OPRK1: variants seen among roughly 807,000 people sequenced by gnomAD.
The protein encoded by OPRK1 is kappa-type opioid receptor.
In OPRK1, 15 loss-of-function variants were observed where a neutral mutation model predicts 24.5. That is an observed-to-expected ratio of 0.61 (90% CI 0.41 to 0.94). The LOEUF (loss-of-function observed/expected upper bound fraction) is 0.94. Among genes scored for constraint, OPRK1 ranks in the 40% least tolerant of loss-of-function variants. OPRK1 has a pLI of 0.00. For missense variants in OPRK1, 479 were observed against 507.3 expected, an observed-to-expected ratio of 0.94 and a Z score of 0.54; for synonymous variants, 205 against 198.0, an observed-to-expected ratio of 1.04 and a Z score of -0.30.
intron 3 of OPRK1, among the ~76,000 whole-genome samples, chr8:53,231,244 T>C (rs1806846925): frequency 6.6e-6 from 1 of 152,178 alleles, no homozygotes; most frequent in Admixed American, 6.6e-5. Flanking sequence ...TCATTACTAT[T>C]ATAATAGAAT....
intron 2 of OPRK1, among the ~76,000 whole-genome samples, chr8:53,235,482 A>G (rs1448363406): frequency 6.6e-6 from 1 of 152,218 alleles, no homozygotes; most frequent in East Asian, 1.9e-4. Flanking sequence ...TTCAAACACT[A>G]TATTCATTCT....
chr8:53,230,051 G>T (rs1300348096), intron 3 of OPRK1, among the ~76,000 whole-genome samples: 1 of 151,304 alleles, frequency 6.6e-6, no homozygotes, highest in Non-Finnish European at 1.5e-5. Flanking sequence ...ACTGTTTACT[G>T]GTAACATACA....
intron 2 of OPRK1, among the ~76,000 whole-genome samples, chr8:53,249,173 T>TAAC (rs140795595): frequency 0.099 from 15,140 of 152,184 alleles, 821 homozygotes; most frequent in South Asian, 0.18. Context: ...CTCATTCAAA[T>TAAC]AACAATATGT....
At position 53,226,747 on chromosome 8, in the gene OPRK1, C is replaced by G. The variant is rs202148885; in HGVS notation, c.*2550G>C. On this transcript the variant is annotated 3_prime_UTR_variant, in exon 4 of 4. Transcript: ENST00000265572. The stretch of plus-strand genomic sequence containing the variant: ...TGCTACGTTGTTTACTTTATCATTC[C>G]TTTAAAGCAGTACCCTAAAATGATA... 1.3e-5 allele frequency: 2 copies of G among 152,218 alleles called. No individual in the cohort carries two copies. The highest frequency in any genetic ancestry group is 2.9e-5 in the Non-Finnish European group (2 of 68,036). 9.4% of individuals were successfully genotyped at this position (152,218 alleles called of 1,614,324 possible).
At chr8:53,242,351 A>G (rs58116230) in intron 2 of OPRK1, among the ~76,000 whole-genome samples, 19,478 of 152,186 alleles carry the variant, frequency 0.13, 1,498 homozygotes, top group African/African-American at 0.21. Flanking sequence ...TGGGCAGTTC[A>G]TTAAACCTCT....
intron 2 of OPRK1, among the ~76,000 whole-genome samples, chr8:53,243,624 G>C (rs1274888908): frequency 6.6e-6 from 1 of 152,152 alleles, no homozygotes. Context: ...TCCCTCAGGG[G>C]AGAAAATAAT....
At chr8:53,250,676 T>C in intron 2 of OPRK1, 105 bp downstream of exon 2, 1 of 1,185,188 alleles carries the variant, frequency 8.4e-7, no homozygotes, top group Non-Finnish European at 1.2e-6. Flanking sequence ...CGGAACAGAG[T>C]CCCCACCACC....
Position 53,250,974 on chromosome 8 carries a change from G to A in OPRK1, c.64C>T (p.Leu22=), listed in dbSNP as rs1413450390. ...PGPTCAPSAC[L]PPNSSAWFPG... is the part of the protein sequence containing the mutation. ...AACCAGGCGCTGCTGTTGGGGGGCAGGCAGGCGCTCGGGGCGCAGGTAGGG... is the reference window on the plus strand; with the variant it reads ...AACCAGGCGCTGCTGTTGGGGGGCAAGCAGGCGCTCGGGGCGCAGGTAGGG... The change falls in exon 2 of 4, where the codon CTG becomes TTG. Residue 22 remains leucine (L), a synonymous_variant. Transcript: ENST00000265572. 1 of 1,603,756 alleles carries A rather than the reference G, an allele frequency of 6.2e-7. No homozygotes were observed. The highest frequency in any genetic ancestry group is 8.5e-7 in the Non-Finnish European group (1 of 1,175,422).
At chr8:53,234,021 C>A (rs1301743595) in intron 3 of OPRK1, among the ~76,000 whole-genome samples, 4 of 151,954 alleles carry the variant, frequency 2.6e-5, no homozygotes, top group Admixed American at 6.5e-5. Flanking sequence ...CACGGTGAAA[C>A]CCTGTCTCTA....
At chr8:53,248,263 TAA>T (rs148202791) in intron 2 of OPRK1, among the ~76,000 whole-genome samples, 7,701 of 152,208 alleles carry the variant, frequency 0.051, 285 homozygotes, top group East Asian at 0.17. Flanking sequence ...AAGGCAGGCC[TAA>T]AAGTAGGCAT....
At position 53,228,626 on chromosome 8, in the gene OPRK1, A is replaced by T. The variant is rs539799810; in HGVS notation, c.*671T>A. The T allele has an allele frequency of 6.6e-6, 1 of 152,360 alleles. No homozygotes were observed. Among genetic ancestry groups the T allele is most frequent in the East Asian group, 1.9e-4 (1 of 5,194 alleles). The allele number at this position is 152,360 out of a possible 1,614,324, so 9.4% of individuals were successfully genotyped here. ...GTTTACCTGAATAGCATGCTAAGAA[A>T]AAAAACTGTAGTTTTTGGGAAATTA... is the stretch of plus-strand genomic sequence containing the variant. On this transcript the variant is annotated 3_prime_UTR_variant, in exon 4 of 4. Coordinates refer to ENST00000265572, the MANE Select transcript of OPRK1 (RefSeq NM_000912.5).
intron 2 of OPRK1, chr8:53,242,564 T>C (rs1052901260): frequency 5.9e-6 from 1 of 170,660 alleles, no homozygotes; most frequent in African/African-American, 2.4e-5. Flanking sequence ...TGGAGTGCAG[T>C]GGCGCGATCT....
rs202056404 is a variant in OPRK1, at chr8:53,229,555, C to A, written c.885G>T (p.Leu295=). 1.2e-6 allele frequency: 2 copies of A among 1,614,180 alleles called. No individual in the cohort carries two copies. Among genetic ancestry groups the A allele is most frequent in the Non-Finnish European group, 1.7e-6 (2 of 1,180,032 alleles). ...VCWTPIHIFI[L]VEALGSTSHS... ...GGGAGGTGCTCCCCAGAGCCTCCAC[C>A]AGGATGAATATGTGAATGGGAGTCC... Residue 295 remains leucine (L), a synonymous_variant, in exon 4 of 4, where the codon CTG becomes CTT. Transcript: ENST00000265572.
intron 2 of OPRK1, among the ~76,000 whole-genome samples, chr8:53,245,230 G>C (rs1302494022): frequency 6.6e-6 from 1 of 152,222 alleles, no homozygotes; most frequent in Non-Finnish European, 1.5e-5. Flanking sequence ...GAGCTTTAAA[G>C]AGATAATTAA....
At chr8:53,246,207 C>T (rs1038715811) in intron 2 of OPRK1, among the ~76,000 whole-genome samples, 1 of 151,996 alleles carries the variant, frequency 6.6e-6, no homozygotes, top group Admixed American at 6.6e-5. Flanking sequence ...GGGTGCTATT[C>T]GAGAAAGTGA....
At chr8:53,238,730 T>C (rs984558732) in intron 2 of OPRK1, 2 of 985,354 alleles carry the variant, frequency 2.0e-6, no homozygotes, top group Non-Finnish European at 2.4e-6. Context: ...TCTGCTGAGA[T>C]GTCAGGAACC....
chr8:53,231,059 T>C (rs1373839851), intron 3 of OPRK1, among the ~76,000 whole-genome samples: 1 of 152,154 alleles, frequency 6.6e-6, no homozygotes, highest in Non-Finnish European at 1.5e-5. Flanking sequence ...TAATAAAGAC[T>C]ATCTTAGAGA....
rs976303 is a variant in OPRK1 at position 53,234,646 on chromosome 8, G to A, written c.610+113C>T. On this transcript the variant is annotated intron_variant, in intron 3 of 3. Transcript: ENST00000265572. ...CCATGGATTTAGGCACTACATTTCC[G>A]TCGTCTTTTGGCATCGATTTCCACT... 2.5e-3 allele frequency: 2,203 copies of A among 891,148 alleles called. 35 individuals carry two copies. The African/African-American group carries it at 0.032, about 13-fold the overall frequency. 55.2% of individuals were successfully genotyped at this position (891,148 alleles called of 1,614,324 possible). A position where few individuals can be genotyped will look rare whatever the true frequency, so the allele number is the denominator to read the frequency against.
chr8:53,248,094 G>A (rs1286250382), intron 2 of OPRK1, among the ~76,000 whole-genome samples: 1 of 151,124 alleles, frequency 6.6e-6, no homozygotes, highest in Non-Finnish European at 1.5e-5. Context: ...GGGGGCTGGA[G>A]CACTGACATT....
Sources: gnomAD v4.1 joint callset for allele counts (sites outside exome capture counted in the v4.1 genomes callset) on GRCh38, gnomAD v4.1.1 for gene constraint, MANE v1.5 for transcripts, NCBI Gene and HGNC (gene_info 2026-07-23, HGNC 2026-07-21) for gene names.